SHQ1: variants seen among roughly 807,000 people sequenced by gnomAD.
SHQ1 encodes the protein protein SHQ1 homolog.
In SHQ1, 49 loss-of-function variants were observed where a neutral mutation model predicts 53.8. That is an observed-to-expected ratio of 0.91 (90% confidence interval 0.72 to 1.16). The LOEUF is 1.16. Ranked by LOEUF, SHQ1 falls within the 50% of genes most tolerant of loss-of-function variation. The pLI, the probability that SHQ1 is intolerant of heterozygous loss-of-function variation, is 0.00. For missense variants in SHQ1, 738 were observed against 683.1 expected, an observed-to-expected ratio of 1.08 and a Z score of -0.90; for synonymous variants, 243 against 251.0, an observed-to-expected ratio of 0.97 and a Z score of 0.30.
At chr3:72,801,720 T>C (rs1002513563) in intron 9 of SHQ1, among the ~76,000 whole-genome samples, 3 of 152,234 alleles carry the variant, frequency 2.0e-5, no homozygotes, top group African/African-American at 7.2e-5. Context: ...TGCTTCTTTA[T>C]ATTTTAATCA....
downstream of SHQ1, among the ~76,000 whole-genome samples, chr3:72,746,852 G>A (rs1705267934): frequency 6.6e-6 from 1 of 152,210 alleles, no homozygotes; most frequent in Non-Finnish European, 1.5e-5. Flanking sequence ...GGGAGTTACA[G>A]ATAATACTTT....
chr3:72,837,071 G>A (rs1708023357), intron 4 of SHQ1, among the ~76,000 whole-genome samples: 1 of 152,200 alleles, frequency 6.6e-6, no homozygotes, highest in South Asian at 2.1e-4. Flanking sequence ...GGAGCTTGCT[G>A]GGTTGGCGCC....
At chr3:72,844,213 C>A (rs972385243) in intron 2 of SHQ1, 146 bp downstream of exon 2, 1 of 664,946 alleles carries the variant, frequency 1.5e-6, no homozygotes, top group Non-Finnish European at 2.6e-6. Context: ...ATAACAGGCA[C>A]TGGACACTAA....
chr3:72,823,458 A>G (rs1707548005), intron 6 of SHQ1, among the ~76,000 whole-genome samples: 1 of 152,224 alleles, frequency 6.6e-6, no homozygotes, highest in South Asian at 2.1e-4. Context: ...TGGTCAAAGA[A>G]GGCCACTATA....
intron 10 of SHQ1, among the ~76,000 whole-genome samples, chr3:72,762,473 C>A (rs1380219335): frequency 6.6e-6 from 1 of 152,224 alleles, no homozygotes; most frequent in African/African-American, 2.4e-5. Context: ...TCTCTCTACT[C>A]CCTAGCAGAA....
At chr3:72,846,460 T>C in intron 1 of SHQ1, 1 of 678,734 alleles carries the variant, frequency 1.5e-6, no homozygotes, top group Non-Finnish European at 2.4e-6. Context: ...CAAGCCCAGA[T>C]AATTTTTTTG....
intron 10 of SHQ1, chr3:72,773,197 A>C (rs1705891557): frequency 1.4e-6 from 1 of 728,960 alleles, no homozygotes; most frequent in Admixed American, 1.8e-5. Context: ...TTCAGGAGCA[A>C]GTAGAACACT....
In SHQ1 at chr3:72,807,995, CAT is replaced by C. The variant is rs781123946; in HGVS notation, c.1060+4674_1060+4675del. Among the ~76,000 whole-genome samples the C allele has an allele frequency of 6.6e-5, 10 of 152,268 alleles. No individual in the cohort carries two copies. The South Asian group carries it at 1.7e-3, about 25-fold the overall frequency. On this transcript the variant is annotated intron_variant, in intron 9 of 10. Transcript: ENST00000325599. Reference sequence around the variant, plus strand: ...GGTAGCTACTATTCATCAGACTTCACATGTTATTAGAAAGTAGGTTTCTATTA... The same window carrying C: ...GGTAGCTACTATTCATCAGACTTCACGTTATTAGAAAGTAGGTTTCTATTA...
rs1349614501 is a variant in SHQ1, at chr3:72,848,189, C to G, written c.143+9G>C. The stretch of plus-strand genomic sequence containing the variant: ...GCGCCTTTCCTGCGGCCAGGCACCC[C>G]GAACTCGCCTGAGAAAGTATGGCTT... On this transcript the variant is annotated intron_variant, in intron 1 of 10. Coordinates refer to ENST00000325599, the MANE Select transcript of SHQ1 (RefSeq NM_018130.3). 6 of 1,614,030 alleles carry G rather than the reference C, an allele frequency of 3.7e-6. No individual in the cohort carries two copies. The East Asian group carries it at 8.9e-5, about 24-fold the overall frequency.
chr3:72,750,371 T>G lies in SHQ1; in HGVS notation c.1647A>C (p.Thr549=). The change falls in exon 11 of 11, where the codon ACA becomes ACC. Residue 549 remains threonine (T), a synonymous_variant. Transcript: ENST00000325599. ...IEELGEQLKT[T]VQVSEPKGTT... is the part of the protein sequence containing the mutation. ...TGCCCTTGGGTTCAGAAACCTGAAC[T>G]GTAGTCTTCAGTTGTTCCCCAAGCT... 6.2e-7 allele frequency: 1 copy of G among 1,614,198 alleles called. No homozygotes were observed. The highest frequency in any genetic ancestry group is 8.5e-7 in the Non-Finnish European group (1 of 1,180,042).
Position 72,848,209 on chromosome 3 carries a change from T to C in SHQ1, c.132A>G (p.Pro44=), listed in dbSNP as rs1452858013. Residue 44 remains proline, a synonymous_variant, in exon 1 of 11, where the codon CCA becomes CCG. Transcript: ENST00000325599. Reference sequence around the variant, plus strand: ...CACCCCGAACTCGCCTGAGAAAGTATGGCTTGGCGTAGAACTTGAAGTCAG... The same window carrying C: ...CACCCCGAACTCGCCTGAGAAAGTACGGCTTGGCGTAGAACTTGAAGTCAG... ...EGSDFKFYAK[P]YFLRLTLPGR... 3.7e-6 allele frequency: 6 copies of C among 1,614,174 alleles called. No homozygotes were observed. The highest frequency in any genetic ancestry group is 5.1e-6 in the Non-Finnish European group (6 of 1,180,022).
chr3:72,765,994 G>C (rs912937772), intron 10 of SHQ1, among the ~76,000 whole-genome samples: 2 of 152,110 alleles, frequency 1.3e-5, no homozygotes, highest in African/African-American at 4.8e-5. Context: ...GTAAAATATA[G>C]TGTGCTAGAT....
the SHQ1 span, among the ~76,000 whole-genome samples, chr3:72,727,031 T>G: frequency 6.6e-6 from 1 of 152,154 alleles, no homozygotes; most frequent in African/African-American, 2.4e-5. Flanking sequence ...GGTTTCTGAT[T>G]TCAGTCAACT....
In SHQ1 at chr3:72,846,094, T is replaced by C. The variant is rs369444992; in HGVS notation, c.144-1671A>G. ...GCATGAAATGATAATGCAAAGAGCT[T>C]AGTGGCCGGCACAACAGGTGAGCAT... On this transcript the variant is annotated intron_variant, in intron 1 of 10. Coordinates refer to ENST00000325599, the MANE Select transcript of SHQ1 (RefSeq NM_018130.3). The C allele has an allele frequency of 8.8e-5, 81 of 919,338 alleles. No homozygotes were observed. The African/African-American group carries it at 9.8e-4, about 11-fold the overall frequency. The allele number at this position is 919,338 out of a possible 1,614,324, so 56.9% of individuals were successfully genotyped here.
In SHQ1 at chr3:72,842,322, G is replaced by T. The variant is rs774045145; in HGVS notation, c.289C>A (p.Pro97Thr). ...GGTTTTGCTGTCCTGGATTTTCTTG[G>T]TGCCAGAAGAGCAGTTAACATGTTC... is the stretch of plus-strand genomic sequence containing the variant. ...GLNMLTALLA[P>T]RKSRTAKPLV... The change falls in exon 3 of 11, where the codon CCA (proline) becomes ACA (threonine). Residue 97 changes from proline (P) to threonine (T), a missense_variant. Coordinates refer to ENST00000325599, the MANE Select transcript of SHQ1 (RefSeq NM_018130.3). 2.7e-5 allele frequency: 44 copies of T among 1,613,420 alleles called. No homozygotes were observed. In the Admixed American group the frequency reaches 5.8e-4, roughly 21 times the overall value.
intron 10 of SHQ1, among the ~76,000 whole-genome samples, chr3:72,775,135 A>G (rs1705931436): frequency 6.6e-6 from 1 of 152,104 alleles, no homozygotes; most frequent in Non-Finnish European, 1.5e-5. Context: ...AAATAAAATA[A>G]AATAATTTTT....
intron 9 of SHQ1, chr3:72,793,627 A>G (rs1211437272): frequency 1.3e-5 from 2 of 152,198 alleles, no homozygotes; most frequent in African/African-American, 4.8e-5. Context: ...GAAAGGCAGG[A>G]AAGTTTTCTA....
In SHQ1 at chr3:72,825,503, T is replaced by C. The variant is rs1323788428; in HGVS notation, c.600-952A>G. Among the ~76,000 whole-genome samples the C allele has an allele frequency of 1.3e-5, 2 of 152,104 alleles. 1 individual carries two copies. Among genetic ancestry groups the C allele is most frequent in the African/African-American group, 4.8e-5 (2 of 41,428 alleles). On this transcript the variant is annotated intron_variant, in intron 5 of 10. Transcript: ENST00000325599. ...ACTACTGAAGAAGATAAAAGCAACA[T>C]TTGTAGAGAACAGAAAGCTAATTTT...
intron 4 of SHQ1, 137 bp from the exon 5 acceptor site, chr3:72,832,618 A>C (rs1707858986): frequency 3.3e-6 from 2 of 611,676 alleles, no homozygotes; most frequent in African/African-American, 3.7e-5. Flanking sequence ...TGACATTTAG[A>C]TTCAAATCCA....
Sources: gnomAD v4.1 joint callset for allele counts (sites outside exome capture counted in the v4.1 genomes callset) on GRCh38, gnomAD v4.1.1 for gene constraint, MANE v1.5 for transcripts, NCBI Gene and HGNC (gene_info 2026-07-23, HGNC 2026-07-21) for gene names.